Variants in DMXL1 observed in about 807,000 individuals in gnomAD.
DMXL1 encodes Dmx like 1.
A neutral mutation model predicts 319.2 loss-of-function variants in DMXL1; 99 were observed. That is an observed-to-expected ratio of 0.31 (90% CI 0.26 to 0.37). DMXL1 has a LOEUF of 0.37. Ranked by LOEUF, DMXL1 falls within the 10% of genes least tolerant of loss-of-function variation. The pLI is 1.00. For missense variants in DMXL1, 3,745 were observed against 3,595.6 expected, an observed-to-expected ratio of 1.04 and a Z score of -1.06; for synonymous variants, 1,385 against 1,235.2, an observed-to-expected ratio of 1.12 and a Z score of -2.54.
chr5:119,128,868 A>G (rs1384357325), intron 9 of DMXL1, among the ~76,000 whole-genome samples: 1 of 152,110 alleles, frequency 6.6e-6, no homozygotes, highest in Non-Finnish European at 1.5e-5. Flanking sequence ...GATCGAGACC[A>G]TCTTGGCCAG....
intron 23 of DMXL1, among the ~76,000 whole-genome samples, chr5:119,168,537 A>G (rs953424336): frequency 1.3e-5 from 2 of 152,154 alleles, no homozygotes; most frequent in African/African-American, 4.8e-5. Flanking sequence ...ATAGATTTTT[A>G]TGTGCTATCA....
At chr5:119,128,757 A>G (rs2150019502) in intron 9 of DMXL1, among the ~76,000 whole-genome samples, 1 of 152,230 alleles carries the variant, frequency 6.6e-6, no homozygotes, top group Middle Eastern at 3.4e-3. Flanking sequence ...ATACTCTAAA[A>G]AATAGTATTT....
At chr5:119,179,796 C>G (rs1776475456) in intron 28 of DMXL1, among the ~76,000 whole-genome samples, 1 of 152,122 alleles carries the variant, frequency 6.6e-6, no homozygotes, top group South Asian at 2.1e-4. Flanking sequence ...GACTCTCATA[C>G]TTTCTAGTCT....
rs181512822 is a variant in DMXL1, at chr5:119,233,942, A to G, written c.8466+475A>G. Among the ~76,000 whole-genome samples, 232 of 152,310 alleles carry G rather than the reference A, an allele frequency of 1.5e-3. 1 individual carries two copies. Among genetic ancestry groups the G allele is most frequent in the African/African-American group, 5.4e-3 (225 of 41,572 alleles). On this transcript the variant is annotated intron_variant, in intron 39 of 43. Transcript: ENST00000539542. ...TGCTCCAGAACAACATCAGCAAACT[A>G]CATCCTAGCCACCTGCTTTATAAAT...
intron 3 of DMXL1, 67 bp from the exon 4 acceptor site, chr5:119,105,113 A>G: frequency 9.8e-7 from 1 of 1,015,934 alleles, no homozygotes; most frequent in Non-Finnish European, 1.6e-6. Context: ...TAACAAGCAT[A>G]AACGTACACA....
At chr5:119,121,827 A>C (rs1384991037) in intron 9 of DMXL1, among the ~76,000 whole-genome samples, 1 of 151,768 alleles carries the variant, frequency 6.6e-6, no homozygotes, top group East Asian at 2.0e-4. Flanking sequence ...GTGGCCGGGC[A>C]GAGGGGCTCC....
In DMXL1 at chr5:119,193,702, AAT is replaced by A. The variant is rs554786010; in HGVS notation, c.7315-124_7315-123del. 6,282 of 933,436 alleles carry A rather than the reference AAT, an allele frequency of 6.7e-3. 35 individuals carry two copies. The highest frequency in any genetic ancestry group is 9.1e-3 in the Non-Finnish European group (5,614 of 614,878). The allele number at this position is 933,436 out of a possible 1,614,324, so 57.8% of individuals were successfully genotyped here. A position where few individuals can be genotyped will look rare whatever the true frequency, so the allele number is the denominator to read the frequency against. ...TGTCAAAGGCATAGGATGGTAAGAT[AAT>A]AGTTACTTAACTCTCTTATAATGAA... On this transcript the variant is annotated intron_variant, in intron 29 of 43. Coordinates refer to ENST00000539542, the MANE Select transcript of DMXL1 (RefSeq NM_001290321.3).
chr5:119,101,300 CAT>C (rs1044111157), intron 2 of DMXL1, among the ~76,000 whole-genome samples: 7 of 151,980 alleles, frequency 4.6e-5, no homozygotes, highest in South Asian at 4.1e-4. Flanking sequence ...TTTACTACAT[CAT>C]ATGTTTTTTT....
rs568716123 is a variant in DMXL1 at position 119,139,660 on chromosome 5, C to A, written c.2377-4181C>A. On this transcript the variant is annotated intron_variant, in intron 13 of 43. Coordinates refer to ENST00000539542, the MANE Select transcript of DMXL1 (RefSeq NM_001290321.3). ...AGAAACCTACAAAGAGACATAGACT[C>A]CCACACAATAATAGTGGGAGCCTTC... 7.9e-5 allele frequency among the ~76,000 whole-genome samples: 12 copies of A among 152,262 alleles called. 1 individual carries two copies. The highest frequency in any genetic ancestry group is 2.6e-4 in the African/African-American group (11 of 41,546).
rs143682600 is a variant in DMXL1 at position 119,077,040 on chromosome 5, G to A, written c.87+5384G>A. On this transcript the variant is annotated intron_variant, in intron 1 of 43. Transcript: ENST00000539542. ...ATTAAAACATTTTTAAATAAAAAGAGATGGGGGTCTCACTGTATTGACCAG... is the reference window on the plus strand; with the variant it reads ...ATTAAAACATTTTTAAATAAAAAGAAATGGGGGTCTCACTGTATTGACCAG... Among the ~76,000 whole-genome samples, 119 of 152,320 alleles carry A rather than the reference G, an allele frequency of 7.8e-4. 1 individual carries two copies. The highest frequency in any genetic ancestry group is 2.8e-3 in the African/African-American group (117 of 41,568).
chr5:119,143,354 A>G (rs1767842062), intron 13 of DMXL1, among the ~76,000 whole-genome samples: 1 of 152,058 alleles, frequency 6.6e-6, no homozygotes, highest in Admixed American at 6.6e-5. Context: ...TACCAAGATC[A>G]GATACTGCTG....
rs774672621 is a variant in DMXL1 at position 119,077,479 on chromosome 5, G to GTTTTTT, written c.87+5844_87+5849dup. ...GTATTGTATTACATCTTCATCTTAG[G>GTTTTTT]TTTTTTTTTTTTTTTTTTTTTTTTT... On this transcript the variant is annotated intron_variant, in intron 1 of 43. Coordinates refer to ENST00000539542, the MANE Select transcript of DMXL1 (RefSeq NM_001290321.3). Among the ~76,000 whole-genome samples the GTTTTTT allele has an allele frequency of 4.3e-5, 3 of 70,174 alleles. 1 individual carries two copies. Among genetic ancestry groups the GTTTTTT allele is most frequent in the African/African-American group, 1.6e-4 (3 of 18,194 alleles). 46.0% of individuals were successfully genotyped at this position (70,174 alleles called of 152,430 possible).
chr5:119,188,124 A>AT (rs1778072789), intron 28 of DMXL1, among the ~76,000 whole-genome samples: 1 of 152,210 alleles, frequency 6.6e-6, no homozygotes, highest in Admixed American at 6.5e-5. Context: ...TTTTAAAACT[A>AT]TTTTTATCTA....
chr5:119,129,332 T>C lies in DMXL1; in HGVS notation c.1224T>C (p.Val408=). The change falls in exon 10 of 44, where the codon GTT becomes GTC. Residue 408 remains valine (V), a synonymous_variant. Coordinates refer to ENST00000539542, the MANE Select transcript of DMXL1 (RefSeq NM_001290321.3). ...TGCATTTTACTTTGTCCATGGAAGT[T>C]TTTTTACAGCAACTTAGAAAAAGTT... The part of the protein sequence containing the change: ...KELHFTLSME[V]FLQQLRKSFE... The C allele has an allele frequency of 6.2e-7, 1 of 1,613,852 alleles. No homozygotes were observed. Among genetic ancestry groups the C allele is most frequent in the Admixed American group, 1.7e-5 (1 of 60,004 alleles).
At chr5:119,190,588 C>T (rs997062468) in intron 29 of DMXL1, among the ~76,000 whole-genome samples, 3 of 152,012 alleles carry the variant, frequency 2.0e-5, no homozygotes, top group African/African-American at 7.2e-5. Flanking sequence ...GGGAAATGGC[C>T]AACTAAGATG....
At chr5:119,123,500 A>G (rs1762779757) in intron 9 of DMXL1, among the ~76,000 whole-genome samples, 1 of 151,428 alleles carries the variant, frequency 6.6e-6, no homozygotes, top group South Asian at 2.1e-4. Flanking sequence ...TCATTGTAGC[A>G]AGCTCACTGA....
At chr5:119,105,895 CAAAAA>C (rs560106066) in intron 4 of DMXL1, among the ~76,000 whole-genome samples, 1 of 76,774 alleles carries the variant, frequency 1.3e-5, no homozygotes, top group African/African-American at 4.6e-5. Context: ...GAAACTGTCT[CAAAAA>C]AAAAAAAAAA....
intron 38 of DMXL1, among the ~76,000 whole-genome samples, chr5:119,226,120 A>G (rs1353261631): frequency 6.6e-6 from 1 of 152,158 alleles, no homozygotes; most frequent in South Asian, 2.1e-4. Context: ...TTCAAAGGTA[A>G]TTGATGGACC....
rs757478257 is a variant in DMXL1 at position 119,147,239 on chromosome 5, T to C, written c.2690-10T>C. Reference sequence around the variant, plus strand: ...GCCTCAGTTTTTGGTTCTTTTCTTATGTTTTGTAGATGAAAAAGTAGATAC... The same window carrying C: ...GCCTCAGTTTTTGGTTCTTTTCTTACGTTTTGTAGATGAAAAAGTAGATAC... On this transcript the variant is annotated splice_polypyrimidine_tract_variant and intron_variant, in intron 16 of 43. Coordinates refer to ENST00000539542, the MANE Select transcript of DMXL1 (RefSeq NM_001290321.3). 33 of 1,607,408 alleles carry C rather than the reference T, an allele frequency of 2.1e-5. No individual in the cohort carries two copies. Among genetic ancestry groups the C allele is most frequent in the African/African-American group, 2.7e-5 (2 of 74,570 alleles).
Sources: allele counts gnomAD v4.1 joint callset (sites outside exome capture counted in the v4.1 genomes callset), GRCh38; gene constraint gnomAD v4.1.1; transcripts MANE v1.5; gene names NCBI Gene and HGNC (gene_info 2026-07-23, HGNC 2026-07-21).